The following PDE11A variants were observed in gnomAD, a reference collection of about 807,000 sequenced individuals.
PDE11A encodes dual 3',5'-cyclic-AMP and -GMP phosphodiesterase 11A.
In PDE11A, 100 loss-of-function variants were observed where a neutral mutation model predicts 100.5. That is an observed-to-expected ratio of 1.00 (90% CI 0.85 to 1.18). The LOEUF (loss-of-function observed/expected upper bound fraction) is 1.18, where lower values mean the gene tolerates loss of function less well. Ranked by LOEUF, PDE11A falls within the 50% of genes most tolerant of loss-of-function variation. PDE11A has a pLI of 0.00. For synonymous variants in PDE11A, 381 were observed against 420.8 expected (o/e 0.91, Z 1.16); for missense variants, 1,141 against 1,152.6 (o/e 0.99, Z 0.15).
In PDE11A at chr2:178,072,655, C is replaced by T. The variant is rs532994492; in HGVS notation, c.-218G>A. 3.3e-5 allele frequency: 48 copies of T among 1,455,988 alleles called. No homozygotes were observed. In the Admixed American group the frequency reaches 3.5e-4, roughly 11 times the overall value. 90.2% of individuals were successfully genotyped at this position (1,455,988 alleles called of 1,614,324 possible). On this transcript the variant is annotated 5_prime_UTR_variant, in exon 1 of 20. Coordinates refer to ENST00000286063, the MANE Select transcript of PDE11A (RefSeq NM_016953.4). Reference sequence around the variant, plus strand: ...ACCCCACCCCGTGGTCCTGCTACTCCTGCTCCGCACAGGTGCCCAGCACTG... The same window carrying T: ...ACCCCACCCCGTGGTCCTGCTACTCTTGCTCCGCACAGGTGCCCAGCACTG...
At chr2:177,920,094 A>G (rs534472898) in intron 2 of PDE11A, among the ~76,000 whole-genome samples, 1 of 152,152 alleles carries the variant, frequency 6.6e-6, no homozygotes. Flanking sequence ...AAGATAGAAT[A>G]AAAATATATA....
intron 9 of PDE11A, among the ~76,000 whole-genome samples, chr2:177,814,618 T>G (rs1200698903): frequency 7.9e-5 from 12 of 152,192 alleles, no homozygotes; most frequent in Non-Finnish European, 1.0e-4. Flanking sequence ...TGCCTATAAG[T>G]CAACTTCTTG....
rs186800872 is a variant in PDE11A, at chr2:177,707,247, T to C, written c.2153+4522A>G. On this transcript the variant is annotated intron_variant, in intron 13 of 19. Transcript: ENST00000286063. ...AGACAAGAATATCAACTCTAAAGAGTTGATGTTGGTAAGGGCTTAAGACAC... is the reference window on the plus strand; with the variant it reads ...AGACAAGAATATCAACTCTAAAGAGCTGATGTTGGTAAGGGCTTAAGACAC... 3.8e-3 allele frequency among the ~76,000 whole-genome samples: 583 copies of C among 152,028 alleles called. 3 individuals are homozygous for C. Among genetic ancestry groups the C allele is most frequent in the Middle Eastern group, 0.01 (3 of 294 alleles).
chr2:177,847,875 G>T lies in PDE11A; in HGVS notation c.1368-7492C>A, dbSNP rs1352600833. 2.6e-5 allele frequency among the ~76,000 whole-genome samples: 4 copies of T among 152,144 alleles called. No individual in the cohort carries two copies. The South Asian group carries it at 8.3e-4, about 32-fold the overall frequency. On this transcript the variant is annotated intron_variant, in intron 5 of 19. Coordinates refer to ENST00000286063, the MANE Select transcript of PDE11A (RefSeq NM_016953.4). ...CTCTGTAGACATAGAGGGCAGGGCT[G>T]GGATGCCCATTCACATTAGACGAGT...
chr2:177,816,862 CT>C lies in PDE11A; in HGVS notation c.1703del (p.Lys568ArgfsTer56). 6.2e-7 allele frequency: 1 copy of C among 1,609,808 alleles called. No individual in the cohort carries two copies. The highest frequency in any genetic ancestry group is 1.1e-5 in the South Asian group (1 of 90,988). ...CCACAGACTGCTTGGCCCAGGACTT[CT>C]TCACTTGATCATACATAATTGTGTT... Reference protein sequence around the residue: ...INNTIMYDQVKKSWAKQSVAL... With the variant: ...INNTIMYDQVXKSWAKQSVAL... On this transcript the variant is annotated frameshift_variant, in exon 9 of 20. Transcript: ENST00000286063. LOFTEE classifies it high-confidence loss of function.
At chr2:177,945,628 G>A (rs867675088) in intron 2 of PDE11A, among the ~76,000 whole-genome samples, 5,944 of 143,834 alleles carry the variant, frequency 0.041, 5 homozygotes, top group African/African-American at 0.15. Context: ...CCCGGCAGCC[G>A]CCCCGTCTGG....
chr2:177,643,728 C>T (rs1169317393), intron 19 of PDE11A, among the ~76,000 whole-genome samples: 3 of 152,196 alleles, frequency 2.0e-5, no homozygotes, highest in Non-Finnish European at 4.4e-5. Flanking sequence ...TTCAAAGCAG[C>T]CCCTCCCATC....
intron 10 of PDE11A, among the ~76,000 whole-genome samples, chr2:177,751,118 T>C (rs2082019389): frequency 8.3e-6 from 1 of 120,318 alleles, no homozygotes; most frequent in Admixed American, 9.7e-5. Context: ...CATAGAGTCA[T>C]AGTGAGTAAG....
chr2:177,718,500 C>T (rs2081476530), intron 12 of PDE11A, among the ~76,000 whole-genome samples: 2 of 152,182 alleles, frequency 1.3e-5, no homozygotes, highest in Non-Finnish European at 1.5e-5. Context: ...GAGATTGATA[C>T]TGCAGAGCCA....
At chr2:177,982,057 TTGAA>T (rs978670381) in intron 2 of PDE11A, among the ~76,000 whole-genome samples, 41 of 151,198 alleles carry the variant, frequency 2.7e-4, no homozygotes, top group African/African-American at 8.2e-4. Context: ...TATCCTTACT[TTGAA>T]TGGTGTGCTA....
intron 2 of PDE11A, among the ~76,000 whole-genome samples, chr2:177,907,468 G>A (rs1283321810): frequency 1.3e-5 from 2 of 152,190 alleles, no homozygotes; most frequent in Non-Finnish European, 2.9e-5. Context: ...CAGGGATGAT[G>A]TTAAGCATTG....
intron 1 of PDE11A, among the ~76,000 whole-genome samples, chr2:178,034,912 A>T (rs185612841): frequency 9.0e-4 from 137 of 152,306 alleles, no homozygotes; most frequent in African/African-American, 3.1e-3. Flanking sequence ...AATGCCCACA[A>T]CAGAAAGTTG....
At chr2:177,929,946 T>G (rs1286856315) in intron 2 of PDE11A, among the ~76,000 whole-genome samples, 3 of 152,190 alleles carry the variant, frequency 2.0e-5, no homozygotes, top group African/African-American at 7.2e-5. Context: ...ATGATTATAA[T>G]AAACAAAATA....
intron 2 of PDE11A, among the ~76,000 whole-genome samples, chr2:177,986,750 G>C (rs1241845249): frequency 6.6e-6 from 1 of 150,954 alleles, no homozygotes; most frequent in Non-Finnish European, 1.5e-5. Context: ...AGAATCGCTT[G>C]AACACGGGAG....
intron 1 of PDE11A, among the ~76,000 whole-genome samples, chr2:178,030,149 A>G (rs919789024): frequency 3.3e-5 from 5 of 152,200 alleles, no homozygotes; most frequent in African/African-American, 9.7e-5. Context: ...CTCTAGAGAG[A>G]ATAATCAGGA....
intron 10 of PDE11A, among the ~76,000 whole-genome samples, chr2:177,741,790 T>C (rs891803532): frequency 4.6e-5 from 7 of 152,148 alleles, no homozygotes; most frequent in Non-Finnish European, 7.3e-5. Context: ...ATGCCTGTAA[T>C]CCCAACACTT....
intron 16 of PDE11A, among the ~76,000 whole-genome samples, chr2:177,679,693 G>C (rs1458841726): frequency 6.6e-6 from 1 of 152,174 alleles, no homozygotes; most frequent in East Asian, 1.9e-4. Context: ...ATGGGGTCTG[G>C]AGAAAAGGCA....
At chr2:177,892,628 T>C (rs1017135646) in intron 4 of PDE11A, among the ~76,000 whole-genome samples, 1 of 152,272 alleles carries the variant, frequency 6.6e-6, no homozygotes, top group Non-Finnish European at 1.5e-5. Context: ...ACTGAAATTT[T>C]CACCAAGGAG....
At chr2:177,753,966 C>A (rs200259206) in intron 10 of PDE11A, among the ~76,000 whole-genome samples, 2 of 152,094 alleles carry the variant, frequency 1.3e-5, no homozygotes, top group East Asian at 3.8e-4. Context: ...CCCCCCATGT[C>A]TAATCTTGAT....
Sources: allele counts gnomAD v4.1 joint callset (sites outside exome capture counted in the v4.1 genomes callset), GRCh38; gene constraint gnomAD v4.1.1; transcripts MANE v1.5; gene names NCBI Gene and HGNC (gene_info 2026-07-23, HGNC 2026-07-21).